Variants in LHPP observed in about 807,000 individuals in gnomAD.
LHPP encodes phospholysine phosphohistidine inorganic pyrophosphate phosphatase, also known as hLHPP.
Under a neutral mutation model 30.3 loss-of-function variants are expected in LHPP, and 24 were observed. The observed-to-expected ratio is 0.79, with a 90% CI of 0.57 to 1.11. LHPP has a LOEUF of 1.11. Among genes scored for constraint, LHPP ranks in the 50% most tolerant of loss-of-function variants. LHPP has a pLI of 0.00. For missense variants in LHPP, 356 were observed against 367.2 expected, an observed-to-expected ratio of 0.97 and a Z score of 0.25; for synonymous variants, 150 against 157.1, an observed-to-expected ratio of 0.95 and a Z score of 0.34.
chr10:124,602,928 G>A (rs374816494), intron 6 of LHPP, among the ~76,000 whole-genome samples: 23 of 152,336 alleles, frequency 1.5e-4, no homozygotes, highest in African/African-American at 4.3e-4. Flanking sequence ...GTCTCTTTTG[G>A]TTGGGGGGCA....
chr10:124,527,981 T>C (rs527643831), intron 6 of LHPP, among the ~76,000 whole-genome samples: 3 of 152,256 alleles, frequency 2.0e-5, no homozygotes, highest in Admixed American at 2.0e-4. Context: ...AGTCTCCCTG[T>C]GTTGCCCAGC....
intron 6 of LHPP, among the ~76,000 whole-genome samples, chr10:124,518,157 G>C (rs1954509099): frequency 6.6e-6 from 1 of 152,210 alleles, no homozygotes. Flanking sequence ...GAGTGAGGAA[G>C]GCTCAGCGCA....
At position 124,491,583 on chromosome 10, in the gene LHPP, C is replaced by T. The variant is rs185806677; in HGVS notation, c.467+3008C>T. Among the ~76,000 whole-genome samples, 7 of 152,288 alleles carry T rather than the reference C, an allele frequency of 4.6e-5. No homozygotes were observed. The East Asian group carries it at 7.7e-4, about 17-fold the overall frequency. ...GGTGTGGCTGACCCCAGACCCTGTG[C>T]GTGTTACCTCTAAGCTACATTCTAG... On this transcript the variant is annotated intron_variant, in intron 3 of 6. Coordinates refer to ENST00000368842, the MANE Select transcript of LHPP (RefSeq NM_022126.4).
chr10:124,501,884 C>T (rs1451483082), intron 5 of LHPP, among the ~76,000 whole-genome samples: 1 of 151,822 alleles, frequency 6.6e-6, no homozygotes, highest in Non-Finnish European at 1.5e-5. Flanking sequence ...GAAGAAGCTC[C>T]GTGACTTGTG....
chr10:124,571,868 A>G (rs1948588907), intron 6 of LHPP, among the ~76,000 whole-genome samples: 1 of 152,174 alleles, frequency 6.6e-6, no homozygotes, highest in Non-Finnish European at 1.5e-5. Flanking sequence ...CTGTAAGAGG[A>G]TGAGAAGGGC....
chr10:124,553,394 T>C (rs1948217895), intron 6 of LHPP, among the ~76,000 whole-genome samples: 1 of 149,584 alleles, frequency 6.7e-6, no homozygotes. Context: ...CGGACTGCCC[T>C]GAAACCCCAG....
In LHPP at chr10:124,484,129, C is replaced by T; in HGVS notation, c.126-10C>T. On this transcript the variant is annotated splice_polypyrimidine_tract_variant and intron_variant, in intron 1 of 6. Coordinates refer to ENST00000368842, the MANE Select transcript of LHPP (RefSeq NM_022126.4). ...GCTGACTTCCCGGGCCTGTGTCTCC[C>T]CTGCCGCAGACTGAAGCGTTCCCGG... 3.1e-6 allele frequency: 5 copies of T among 1,612,806 alleles called. No homozygotes were observed. Among genetic ancestry groups the T allele is most frequent in the South Asian group, 1.1e-5 (1 of 90,924 alleles).
chr10:124,541,856 C>T lies in LHPP; in HGVS notation c.716+24585C>T, dbSNP rs1211685184. On this transcript the variant is annotated intron_variant, in intron 6 of 6. Coordinates refer to ENST00000368842, the MANE Select transcript of LHPP (RefSeq NM_022126.4). The surrounding 1 kb of genome is among the most constrained non-coding windows in gnomAD (Gnocchi z 4.2). Reference sequence around the variant, plus strand: ...GGCCCAGATGGGGTGACCTTTCCTTCACCCCTACTTCCCCACTGCAAGGGT... The same window carrying T: ...GGCCCAGATGGGGTGACCTTTCCTTTACCCCTACTTCCCCACTGCAAGGGT... Among the ~76,000 whole-genome samples, 1 of 152,092 alleles carries T rather than the reference C, an allele frequency of 6.6e-6. No homozygotes were observed. The highest frequency in any genetic ancestry group is 1.5e-5 in the Non-Finnish European group (1 of 67,998).
intron 2 of LHPP, among the ~76,000 whole-genome samples, chr10:124,484,599 T>C (rs1442416497): frequency 2.0e-5 from 3 of 150,956 alleles, no homozygotes. Flanking sequence ...CTCTCTTTCC[T>C]GATCTAGGAT....
intron 5 of LHPP, among the ~76,000 whole-genome samples, chr10:124,506,218 T>C (rs796284569): frequency 2.6e-4 from 40 of 151,078 alleles, no homozygotes; most frequent in African/African-American, 9.3e-4. Flanking sequence ...CACTGTACTC[T>C]AGGCTGGACA....
At chr10:124,537,074 A>C (rs1955045606) in intron 6 of LHPP, among the ~76,000 whole-genome samples, 2 of 152,224 alleles carry the variant, frequency 1.3e-5, no homozygotes, top group South Asian at 4.1e-4. Flanking sequence ...TTTTCTCCTT[A>C]TTTACAGTAA....
At chr10:124,528,829 C>G (rs1253063297) in intron 6 of LHPP, among the ~76,000 whole-genome samples, 1 of 152,128 alleles carries the variant, frequency 6.6e-6, no homozygotes, top group Non-Finnish European at 1.5e-5. Flanking sequence ...CCCCTGCCCT[C>G]TAGGGCTGTT....
chr10:124,586,704 G>A (rs1344489571), intron 6 of LHPP, among the ~76,000 whole-genome samples: 6 of 152,162 alleles, frequency 3.9e-5, no homozygotes, highest in Non-Finnish European at 5.9e-5. Context: ...CTGCACAGAG[G>A]CCCCGAGGCG....
intron 6 of LHPP, among the ~76,000 whole-genome samples, chr10:124,549,212 G>C (rs1256533651): frequency 6.6e-6 from 1 of 152,202 alleles, no homozygotes; most frequent in Admixed American, 6.5e-5. Flanking sequence ...CAAGGCAGGA[G>C]GATTGCTTGA....
intron 6 of LHPP, among the ~76,000 whole-genome samples, chr10:124,566,012 G>A (rs1045582707): frequency 1.3e-5 from 2 of 152,250 alleles, no homozygotes; most frequent in Non-Finnish European, 2.9e-5. Context: ...TGGAGCCGTC[G>A]CCGTACCCCT....
Position 124,517,173 on chromosome 10 carries a change from G to A in LHPP, c.625-7G>A, listed in dbSNP as rs752229908. On this transcript the variant is annotated splice_region_variant and splice_polypyrimidine_tract_variant and intron_variant, in intron 5 of 6. Transcript: ENST00000368842. The surrounding 1 kb of genome is among the most constrained non-coding windows in gnomAD (Gnocchi z 4.1). ...TCACTTCTGAGCGTATTTCACTGCC[G>A]TGACAGGCCGTCATGATTGGGGACG... 1.1e-5 allele frequency: 18 copies of A among 1,594,466 alleles called. No individual in the cohort carries two copies. The highest frequency in any genetic ancestry group is 2.3e-5 in the South Asian group (2 of 87,878).
intron 5 of LHPP, among the ~76,000 whole-genome samples, chr10:124,515,811 G>T (rs1646434247): frequency 6.6e-6 from 1 of 152,232 alleles, no homozygotes; most frequent in Admixed American, 6.5e-5. Flanking sequence ...ACATAACGCA[G>T]TCCTGCGTGA....
intron 5 of LHPP, among the ~76,000 whole-genome samples, chr10:124,506,670 T>TC (rs1480512605): frequency 9.2e-6 from 1 of 108,574 alleles, no homozygotes; most frequent in South Asian, 4.1e-4. Flanking sequence ...GGATTTCAGG[T>TC]TGGGGGGTAG....
chr10:124,535,901 CAG>C (rs1223874280), intron 6 of LHPP, among the ~76,000 whole-genome samples: 1 of 152,254 alleles, frequency 6.6e-6, no homozygotes, highest in African/African-American at 2.4e-5. Context: ...TCTGCTCCCT[CAG>C]GGGAACTGGG....
Sources: allele counts gnomAD v4.1 joint callset (sites outside exome capture counted in the v4.1 genomes callset), GRCh38; gene constraint gnomAD v4.1.1; non-coding constraint Gnocchi (gnomAD v3.1); transcripts MANE v1.5; gene names NCBI Gene and HGNC (gene_info 2026-07-23, HGNC 2026-07-21).